The following MACROD2 variants were observed in gnomAD, a reference collection of about 807,000 sequenced individuals.
MACROD2 encodes the protein ADP-ribose glycohydrolase MACROD2.
In MACROD2, 36 loss-of-function variants were observed where a neutral mutation model predicts 70.4. The observed-to-expected ratio is 0.51, with a 90% CI of 0.39 to 0.68. MACROD2 has a LOEUF of 0.68. Ranked by LOEUF, MACROD2 falls within the 30% of genes least tolerant of loss-of-function variation. The pLI is 0.00. For synonymous variants in MACROD2, 172 were observed against 178.8 expected (o/e 0.96, Z 0.30); for missense variants, 496 against 538.4 (o/e 0.92, Z 0.78).
intron 3 of MACROD2, among the ~76,000 whole-genome samples, chr20:14,237,386 C>CT (rs1389346158): frequency 2.0e-5 from 3 of 151,910 alleles, no homozygotes; most frequent in Non-Finnish European, 2.9e-5. Context: ...CTTAGTGGGA[C>CT]TCCTATGAGA....
chr20:14,375,414 T>C (rs1240731188), intron 3 of MACROD2, among the ~76,000 whole-genome samples: 2 of 152,206 alleles, frequency 1.3e-5, no homozygotes, highest in African/African-American at 4.8e-5. Flanking sequence ...ATACCCTGTT[T>C]CTGAAGGTTT....
intron 5 of MACROD2, among the ~76,000 whole-genome samples, chr20:14,732,525 G>C (rs918513106): frequency 2.6e-5 from 4 of 152,088 alleles, no homozygotes; most frequent in African/African-American, 9.7e-5. Flanking sequence ...AGTAACACAA[G>C]TATTCTTATG....
chr20:14,129,982 T>C (rs1055946551), intron 3 of MACROD2, among the ~76,000 whole-genome samples: 3 of 152,094 alleles, frequency 2.0e-5, no homozygotes, highest in Non-Finnish European at 4.4e-5. Context: ...ATTTGTTTTA[T>C]AAAAGTTGTC....
intron 8 of MACROD2, among the ~76,000 whole-genome samples, chr20:15,828,884 C>G (rs866818177): frequency 6.6e-6 from 1 of 152,166 alleles, no homozygotes; most frequent in Admixed American, 6.5e-5. Flanking sequence ...TCAGGACATC[C>G]TTTAAGTTCA....
chr20:15,617,174 A>G (rs200747), intron 8 of MACROD2, among the ~76,000 whole-genome samples: 81,412 of 151,858 alleles, frequency 0.54, 24,308 homozygotes, highest in African/African-American at 0.83. Flanking sequence ...TTTTTCTCCC[A>G]TGTTTATCTA....
chr20:15,677,768 C>T (rs2050085575), intron 8 of MACROD2, among the ~76,000 whole-genome samples: 1 of 152,086 alleles, frequency 6.6e-6, no homozygotes, highest in African/African-American at 2.4e-5. Context: ...TTCGTTTTTA[C>T]CTTATAAAAA....
chr20:15,827,835 C>T (rs1213633450), intron 8 of MACROD2, among the ~76,000 whole-genome samples: 1 of 152,214 alleles, frequency 6.6e-6, no homozygotes, highest in African/African-American at 2.4e-5. Context: ...ATGTGCATCT[C>T]CACAGCAATG....
chr20:14,015,048 G>A (rs574600341), intron 2 of MACROD2, among the ~76,000 whole-genome samples: 1 of 149,864 alleles, frequency 6.7e-6, no homozygotes, highest in Non-Finnish European at 1.5e-5. Flanking sequence ...TCAAGCAATT[G>A]GCCATTCAAA....
At chr20:15,272,147 A>C (rs2077351390) in intron 6 of MACROD2, among the ~76,000 whole-genome samples, 1 of 152,250 alleles carries the variant, frequency 6.6e-6, no homozygotes, top group Non-Finnish European at 1.5e-5. Flanking sequence ...TTAATCAGGA[A>C]AATAATTATT....
chr20:14,932,116 A>C (rs1362358555), intron 5 of MACROD2, among the ~76,000 whole-genome samples: 1 of 152,168 alleles, frequency 6.6e-6, no homozygotes, highest in African/African-American at 2.4e-5. Flanking sequence ...AGTTCTCAGA[A>C]CTGGCTGTGC....
At chr20:15,914,003 G>T (rs1194311295) in intron 10 of MACROD2, among the ~76,000 whole-genome samples, 1 of 152,172 alleles carries the variant, frequency 6.6e-6, no homozygotes. Flanking sequence ...GTGCATGGAG[G>T]GGGCAGTGAA....
At chr20:15,918,461 C>T (rs2065352970) in intron 10 of MACROD2, among the ~76,000 whole-genome samples, 1 of 152,104 alleles carries the variant, frequency 6.6e-6, no homozygotes, top group African/African-American at 2.4e-5. Flanking sequence ...CGTTTTATGT[C>T]ACAAGACAGC....
At chr20:14,617,998 A>G (rs1023181871) in intron 4 of MACROD2, among the ~76,000 whole-genome samples, 1 of 152,156 alleles carries the variant, frequency 6.6e-6, no homozygotes, top group Admixed American at 6.6e-5. Flanking sequence ...TGCGGAAAGA[A>G]GGATGTCATC....
chr20:14,478,945 T>C (rs149109005), intron 3 of MACROD2, among the ~76,000 whole-genome samples: 156 of 152,172 alleles, frequency 1.0e-3, no homozygotes, highest in African/African-American at 3.6e-3. Flanking sequence ...GGCTTCTTTA[T>C]GTTTCTAGGT....
intron 5 of MACROD2, among the ~76,000 whole-genome samples, chr20:14,789,460 A>ATTCTTTTTTTTTTTTTTTTT: frequency 2.1e-5 from 1 of 48,328 alleles, no homozygotes; most frequent in Non-Finnish European, 3.6e-5. Flanking sequence ...GGTAGTGCAA[A>ATTCTTTTTTTTTTTTTTTTT]TTTTTTTTTT....
intron 4 of MACROD2, among the ~76,000 whole-genome samples, chr20:14,657,197 C>A (rs1230728055): frequency 6.6e-6 from 1 of 152,194 alleles, no homozygotes; most frequent in African/African-American, 2.4e-5. Flanking sequence ...AAAATCATTA[C>A]AAAATATAAT....
intron 5 of MACROD2, among the ~76,000 whole-genome samples, chr20:14,778,685 G>A (rs556595149): frequency 3.9e-5 from 6 of 152,246 alleles, no homozygotes; most frequent in African/African-American, 1.2e-4. Context: ...TGCAGTTAAA[G>A]TGATTTGGGA....
At chr20:15,960,745 G>T (rs2066048156) in intron 12 of MACROD2, among the ~76,000 whole-genome samples, 1 of 152,150 alleles carries the variant, frequency 6.6e-6, no homozygotes, top group Admixed American at 6.5e-5. Flanking sequence ...GTCCAGAGCT[G>T]GGCATTAATT....
At chr20:15,221,814 A>G (rs1430888308) in intron 5 of MACROD2, among the ~76,000 whole-genome samples, 1 of 152,238 alleles carries the variant, frequency 6.6e-6, no homozygotes, top group African/African-American at 2.4e-5. Context: ...TGATGCCCCA[A>G]ACATAATAAC....
Sources: gnomAD v4.1 joint callset for allele counts (sites outside exome capture counted in the v4.1 genomes callset) on GRCh38, gnomAD v4.1.1 for gene constraint, MANE v1.5 for transcripts, NCBI Gene and HGNC (gene_info 2026-07-23, HGNC 2026-07-21) for gene names.